LRP1B: variants seen among roughly 807,000 people sequenced by gnomAD.
LRP1B encodes LDL receptor related protein 1B.
A neutral mutation model predicts 556.6 loss-of-function variants in LRP1B; 217 were observed. The ratio of observed to expected loss-of-function variants is 0.39; its 90% CI spans 0.35 to 0.44. The LOEUF is 0.44. Ranked by LOEUF, LRP1B falls within the 20% of genes least tolerant of loss-of-function variation. The probability of loss-of-function intolerance (pLI) is 1.00; values close to 1 mark genes in which losing one functional copy is unlikely to be tolerated. For synonymous variants in LRP1B, 2,047 were observed against 1,865.8 expected (o/e 1.10, Z -2.50); for missense variants, 5,053 against 5,620.8 (o/e 0.90, Z 3.23).
At chr2:142,022,491 C>G (rs1448103806) in intron 1 of LRP1B, among the ~76,000 whole-genome samples, 1 of 151,712 alleles carries the variant, frequency 6.6e-6, no homozygotes, top group Non-Finnish European at 1.5e-5. Flanking sequence ...AACTACAGGC[C>G]TAAACTTATT....
At position 141,015,717 on chromosome 2, in the gene LRP1B, A is replaced by G. The variant is rs2105388855; in HGVS notation, c.2169T>C (p.Phe723=). ...TTACCTTCCTGTGAGTCCCATTCAA[A>G]AATACTTTTTCAATATGATCGTAAT... ...DAYYDHIEKV[F]LNGTHRKIVY... Residue 723 remains phenylalanine, a synonymous_variant, in exon 13 of 91, where the codon TTT becomes TTC. Coordinates refer to ENST00000389484, the MANE Select transcript of LRP1B (RefSeq NM_018557.3). 6.2e-7 allele frequency: 1 copy of G among 1,612,916 alleles called. No homozygotes were observed. The highest frequency in any genetic ancestry group is 8.5e-7 in the Non-Finnish European group (1 of 1,179,380).
chr2:140,449,751 T>C (rs1390948630), intron 63 of LRP1B, among the ~76,000 whole-genome samples: 2 of 152,172 alleles, frequency 1.3e-5, no homozygotes, highest in Non-Finnish European at 2.9e-5. Flanking sequence ...TAGAAGAAGA[T>C]AGCCAGTTTC....
At chr2:140,908,348 T>C (rs1694316351) in intron 21 of LRP1B, among the ~76,000 whole-genome samples, 1 of 96,242 alleles carries the variant, frequency 1.0e-5, no homozygotes, top group Non-Finnish European at 2.0e-5. Context: ...TATATATACA[T>C]ATATTTATAT....
chr2:141,852,218 G>A (rs1697889504), intron 1 of LRP1B, among the ~76,000 whole-genome samples: 1 of 151,530 alleles, frequency 6.6e-6, no homozygotes, highest in South Asian at 2.1e-4. Flanking sequence ...TATTAGATGG[G>A]GTCTTATATT....
chr2:141,228,482 G>A (rs1249236450), intron 6 of LRP1B, among the ~76,000 whole-genome samples: 4 of 150,344 alleles, frequency 2.7e-5, no homozygotes, highest in Non-Finnish European at 4.4e-5. Flanking sequence ...GCATCTCTGG[G>A]TGTGTGTGTG....
At chr2:141,200,936 TTCAG>T (rs759455249) in intron 6 of LRP1B, among the ~76,000 whole-genome samples, 1 of 152,192 alleles carries the variant, frequency 6.6e-6, no homozygotes, top group Non-Finnish European at 1.5e-5. Context: ...TTCTCACCTC[TTCAG>T]TCAGTTTAAG....
rs1388165711 is a variant in LRP1B, at chr2:141,031,719, A to G, written c.1790-11617T>C. ...CACCATTTTATTCACGAAGAAAACA[A>G]CAACACTTGATGTAAGTATAAAAGG... On this transcript the variant is annotated intron_variant, in intron 11 of 90. Transcript: ENST00000389484. 5.3e-5 allele frequency among the ~76,000 whole-genome samples: 8 copies of G among 152,074 alleles called. No homozygotes were observed. In the East Asian group the frequency reaches 7.8e-4, roughly 15 times the overall value.
At chr2:140,782,641 AATG>A (rs1689740587) in intron 32 of LRP1B, among the ~76,000 whole-genome samples, 1 of 152,156 alleles carries the variant, frequency 6.6e-6, no homozygotes, top group Non-Finnish European at 1.5e-5. Context: ...TACAGGAATT[AATG>A]GATTATTTTA....
At chr2:141,136,441 CTT>C (rs1323622370) in intron 7 of LRP1B, among the ~76,000 whole-genome samples, 1 of 151,598 alleles carries the variant, frequency 6.6e-6, no homozygotes, top group East Asian at 1.9e-4. Context: ...TACAAACAAA[CTT>C]TTCTATTCTC....
At chr2:140,798,668 G>A (rs149301974) in intron 32 of LRP1B, among the ~76,000 whole-genome samples, 16 of 152,174 alleles carry the variant, frequency 1.1e-4, no homozygotes, top group East Asian at 7.7e-4. Context: ...TGCCTTGTAG[G>A]ATATTTACCA....
chr2:141,706,216 C>T (rs187249044), intron 2 of LRP1B, among the ~76,000 whole-genome samples: 18 of 152,130 alleles, frequency 1.2e-4, no homozygotes, highest in African/African-American at 2.6e-4. Flanking sequence ...TTTACCTCAA[C>T]GCTGAGGAAT....
intron 3 of LRP1B, among the ~76,000 whole-genome samples, chr2:141,425,740 T>G (rs1368463447): frequency 4.6e-5 from 7 of 151,612 alleles, no homozygotes; most frequent in Admixed American, 1.3e-4. Context: ...GTCTGTTCAT[T>G]TCCTTTGCCC....
At chr2:140,530,089 A>T (rs1690622791) in intron 47 of LRP1B, among the ~76,000 whole-genome samples, 1 of 152,182 alleles carries the variant, frequency 6.6e-6, no homozygotes, top group South Asian at 2.1e-4. Context: ...ATTACTACTG[A>T]CATCTAAATT....
At chr2:140,811,146 T>TA (rs550064716) in intron 32 of LRP1B, among the ~76,000 whole-genome samples, 76 of 152,258 alleles carry the variant, frequency 5.0e-4, no homozygotes, top group African/African-American at 1.8e-3. Flanking sequence ...ATTTACTTGT[T>TA]AAGAGAATTT....
At chr2:140,871,908 T>C (rs541509778) in intron 25 of LRP1B, among the ~76,000 whole-genome samples, 12 of 152,258 alleles carry the variant, frequency 7.9e-5, no homozygotes, top group African/African-American at 2.6e-4. Flanking sequence ...AATGACATTT[T>C]AAAAGATTTT....
chr2:142,114,520 G>A (rs1305341142), intron 1 of LRP1B, among the ~76,000 whole-genome samples: 1 of 152,006 alleles, frequency 6.6e-6, no homozygotes, highest in African/African-American at 2.4e-5. Flanking sequence ...ATCAACCTAA[G>A]TATCTATCAA....
intron 87 of LRP1B, among the ~76,000 whole-genome samples, chr2:140,242,776 C>T (rs1229955327): frequency 6.6e-6 from 1 of 150,914 alleles, no homozygotes; most frequent in Non-Finnish European, 1.5e-5. Context: ...AACAGTTGGG[C>T]TGGAAGGAGA....
At chr2:141,718,771 G>A (rs1466721830) in intron 2 of LRP1B, among the ~76,000 whole-genome samples, 1 of 152,168 alleles carries the variant, frequency 6.6e-6, no homozygotes, top group East Asian at 1.9e-4. Flanking sequence ...AGACTGGAGT[G>A]TGATAAGAAC....
chr2:140,770,860 A>C, intron 34 of LRP1B, 21 bp downstream of exon 34: 2 of 1,526,210 alleles, frequency 1.3e-6, no homozygotes, highest in Non-Finnish European at 1.7e-6. Flanking sequence ...ACCAGAGGTA[A>C]GGTTTTTCAT....
Sources: allele counts gnomAD v4.1 joint callset (sites outside exome capture counted in the v4.1 genomes callset), GRCh38; gene constraint gnomAD v4.1.1; transcripts MANE v1.5; gene names NCBI Gene and HGNC (gene_info 2026-07-23, HGNC 2026-07-21).